Variants in SLIT3 observed in about 807,000 individuals in gnomAD.
SLIT3 encodes the protein slit guidance ligand 3, also known as slit homolog 3 protein.
A neutral mutation model predicts 184.0 loss-of-function variants in SLIT3; 68 were observed. That is an observed-to-expected ratio of 0.37 (90% CI 0.30 to 0.45). The LOEUF (loss-of-function observed/expected upper bound fraction) is 0.45, where lower values mean the gene tolerates loss of function less well. SLIT3 is among the 20% of genes least tolerant of loss of function. The probability of loss-of-function intolerance (pLI) is 1.00; values close to 1 mark genes in which losing one functional copy is unlikely to be tolerated. For missense variants in SLIT3, 1,707 were observed against 2,026.0 expected, an observed-to-expected ratio of 0.84 and a Z score of 3.02; for synonymous variants, 831 against 828.6, an observed-to-expected ratio of 1.00 and a Z score of -0.05.
At chr5:168,909,564 C>T (rs147371032) in intron 4 of SLIT3, among the ~76,000 whole-genome samples, 11 of 152,220 alleles carry the variant, frequency 7.2e-5, no homozygotes, top group African/African-American at 2.2e-4. Context: ...TTTTTCTTAT[C>T]GTAGAGAAAT....
rs140484379 is a variant in SLIT3, at chr5:168,908,523, G to A, written c.414-25187C>T. ...AGTGTCTCCAATTCCCAGACCTTTC[G>A]TGGACTGCACTGCTAAACTGAGAAG... is the stretch of plus-strand genomic sequence containing the variant. On this transcript the variant is annotated intron_variant, in intron 4 of 35. Transcript: ENST00000519560. Among the ~76,000 whole-genome samples the A allele has an allele frequency of 4.6e-4, 70 of 152,296 alleles. 1 individual carries two copies. Among genetic ancestry groups the A allele is most frequent in the African/African-American group, 1.3e-3 (53 of 41,554 alleles).
At chr5:168,809,769 G>A (rs539090589) in intron 8 of SLIT3, among the ~76,000 whole-genome samples, 2 of 152,294 alleles carry the variant, frequency 1.3e-5, no homozygotes, top group East Asian at 1.9e-4. Context: ...AAGGACACTC[G>A]CCCAGAAGCC....
At chr5:168,844,256 T>G (rs4571488) in intron 6 of SLIT3, among the ~76,000 whole-genome samples, 27,486 of 151,862 alleles carry the variant, frequency 0.18, 2,523 homozygotes, top group East Asian at 0.26. Flanking sequence ...CTCTGGGGGG[T>G]TCTGCTCCAG....
intron 4 of SLIT3, among the ~76,000 whole-genome samples, chr5:168,925,996 T>C (rs1761809078): frequency 1.3e-5 from 2 of 152,198 alleles, no homozygotes; most frequent in Admixed American, 6.5e-5. Context: ...GAAAGTGATC[T>C]ACGGAAGGCA....
rs766060463 is a variant in SLIT3, at chr5:168,785,989, G to A, written c.1080-11C>T. ...TTCCCATACAGGACCCTGAAAGAGAGAAGGAGAAGACAGCAATCACTGTGG... is the reference window on the plus strand; with the variant it reads ...TTCCCATACAGGACCCTGAAAGAGAAAAGGAGAAGACAGCAATCACTGTGG... On this transcript the variant is annotated splice_polypyrimidine_tract_variant and intron_variant, in intron 11 of 35. Transcript: ENST00000519560. The A allele has an allele frequency of 2.5e-6, 4 of 1,596,094 alleles. No individual in the cohort carries two copies. In the Admixed American group the frequency reaches 5.0e-5, roughly 20 times the overall value.
intron 4 of SLIT3, among the ~76,000 whole-genome samples, chr5:169,076,917 A>T (rs1363811465): frequency 6.6e-6 from 1 of 152,056 alleles, no homozygotes. Context: ...TACAACTCTC[A>T]CACACACAAA....
Position 168,669,881 on chromosome 5 carries a change from G to T in SLIT3, c.4238C>A (p.Ser1413Ter). 1 of 1,614,178 alleles carries T rather than the reference G, an allele frequency of 6.2e-7. No individual in the cohort carries two copies. The highest frequency in any genetic ancestry group is 8.5e-7 in the Non-Finnish European group (1 of 1,180,006). ...CTGCCCATGGTGACACTTGAAGGCTGAGCAGGCATTGGCAGAGTCATTCTT... is the reference window on the plus strand; with the variant it reads ...CTGCCCATGGTGACACTTGAAGGCTTAGCAGGCATTGGCAGAGTCATTCTT... Reference protein sequence around the residue: ...DNKNDSANACSAFKCHHGQCH... With the variant: ...DNKNDSANAC Residue 1413 changes from serine to a stop codon, truncating the protein, a stop_gained, in exon 35 of 36, where the codon TCA becomes TAA. Coordinates refer to ENST00000519560, the MANE Select transcript of SLIT3 (RefSeq NM_003062.4). LOFTEE classifies it high-confidence loss of function.
chr5:168,832,708 G>A (rs1169056294), intron 6 of SLIT3, among the ~76,000 whole-genome samples: 1 of 152,150 alleles, frequency 6.6e-6, no homozygotes, highest in Non-Finnish European at 1.5e-5. Flanking sequence ...TGCTGGAATG[G>A]GGGTGCAGCA....
chr5:168,749,569 C>T lies in SLIT3; in HGVS notation c.2040G>A (p.Lys680=), dbSNP rs1754622000. The change falls in exon 19 of 36, where the codon AAG becomes AAA. Residue 680 remains lysine (K), a synonymous_variant. Transcript: ENST00000519560. ...TAGGGTTCCCACTGACGATCCGCCT[C>T]TTCCTCAACCACTTGCCGAGCCAGG... ...HLAWLGKWLR[K]RRIVSGNPRC... 2 of 1,614,226 alleles carry T rather than the reference C, an allele frequency of 1.2e-6. No homozygotes were observed. The highest frequency in any genetic ancestry group is 1.7e-6 in the Non-Finnish European group (2 of 1,180,036).
intron 7 of SLIT3, 87 bp from the exon 8 acceptor site, chr5:168,817,550 G>T: frequency 1.5e-6 from 2 of 1,294,176 alleles, no homozygotes; most frequent in Non-Finnish European, 2.2e-6. Context: ...CAAAACCCCT[G>T]TTGCCCCTTT....
At chr5:169,224,367 T>G (rs1764721189) in intron 3 of SLIT3, among the ~76,000 whole-genome samples, 1 of 84,962 alleles carries the variant, frequency 1.2e-5, no homozygotes, top group Admixed American at 1.4e-4. Flanking sequence ...AAATTTTTTA[T>G]TATTTATTTA....
chr5:168,872,717 C>T (rs1168519860), intron 5 of SLIT3, among the ~76,000 whole-genome samples: 3 of 146,396 alleles, frequency 2.0e-5, no homozygotes, highest in African/African-American at 7.6e-5. Context: ...CAGCTCACTA[C>T]AACCTCTGCC....
rs764230599 is a variant in SLIT3 at position 168,752,968 on chromosome 5, A to G, written c.1960T>C (p.Ser654Pro). 6.2e-7 allele frequency: 1 copy of G among 1,614,066 alleles called. No homozygotes were observed. Residue 654 changes from serine (S) to proline (P), a missense_variant, in exon 18 of 36, where the codon TCC (serine) becomes CCC (proline). By Grantham distance (74) the Ser-to-Pro change is moderately conservative. This residue lies in a region of SLIT3 where 1,307 missense variants were observed against 1,511.6 expected (regional missense o/e 0.86). Coordinates refer to ENST00000519560, the MANE Select transcript of SLIT3 (RefSeq NM_003062.4). Reference protein sequence around the residue: ...ITPGAFTTLVSLSTINLLSNP... With the variant: ...ITPGAFTTLVPLSTINLLSNP... ...AGGAGAACTTACATGGTGGACAGGG[A>G]GACAAGCGTGGTGAAGGCCCCAGGG...
intron 20 of SLIT3, among the ~76,000 whole-genome samples, chr5:168,746,292 A>ATGTGAGTGTGGTGG (rs1248479104): frequency 2.5e-5 from 3 of 119,004 alleles, no homozygotes; most frequent in African/African-American, 9.9e-5. Context: ...GTGTGGTGGT[A>ATGTGAGTGTGGTGG]TGTGGGTGTG....
intron 9 of SLIT3, among the ~76,000 whole-genome samples, chr5:168,804,310 C>CAAAAAAAAAAAAAAAAA (rs770650322): frequency 1.9e-5 from 1 of 52,356 alleles, no homozygotes; most frequent in Non-Finnish European, 3.2e-5. Flanking sequence ...AACTCTTTCT[C>CAAAAAAAAAAAAAAAAA]AAAAAAAAAA....
intron 16 of SLIT3, among the ~76,000 whole-genome samples, chr5:168,756,050 C>T (rs1754938454): frequency 1.3e-5 from 2 of 152,210 alleles, no homozygotes; most frequent in Admixed American, 6.5e-5. Flanking sequence ...CATGGGGAAC[C>T]ATCTTCTGCA....
At chr5:168,801,346 G>C (rs572177883) in intron 9 of SLIT3, among the ~76,000 whole-genome samples, 1 of 152,136 alleles carries the variant, frequency 6.6e-6, no homozygotes, top group Admixed American at 6.5e-5. Context: ...TAAACCCCCT[G>C]GTGGCTGGTA....
chr5:169,177,425 C>A (rs1393873896), intron 4 of SLIT3, among the ~76,000 whole-genome samples: 2 of 152,170 alleles, frequency 1.3e-5, no homozygotes, highest in Admixed American at 1.3e-4. Flanking sequence ...GTCCCTCATG[C>A]TGAGCGGGGA....
intron 4 of SLIT3, among the ~76,000 whole-genome samples, chr5:169,080,851 C>G (rs1759007216): frequency 6.6e-6 from 1 of 152,158 alleles, no homozygotes; most frequent in African/African-American, 2.4e-5. Context: ...AGAACCACTG[C>G]TCTGGAGAGC....
Sources: allele counts gnomAD v4.1 joint callset (sites outside exome capture counted in the v4.1 genomes callset), GRCh38; gene constraint gnomAD v4.1.1; regional missense constraint gnomAD v4.1.1; transcripts MANE v1.5; gene names NCBI Gene and HGNC (gene_info 2026-07-23, HGNC 2026-07-21).